The following ASIC2 variants were observed in gnomAD, a reference collection of about 807,000 sequenced individuals.
ASIC2 encodes the protein acid-sensing ion channel 2.
In ASIC2, 25 loss-of-function variants were observed where a neutral mutation model predicts 57.3. The observed-to-expected ratio is 0.44, with a 90% CI of 0.32 to 0.61. The LOEUF is 0.61. Ranked by LOEUF, ASIC2 falls within the 20% of genes least tolerant of loss-of-function variation. The pLI, the probability that ASIC2 is intolerant of heterozygous loss-of-function variation, is 0.06. For synonymous variants in ASIC2, 319 were observed against 307.5 expected (o/e 1.04, Z -0.39); for missense variants, 641 against 738.1 (o/e 0.87, Z 1.52).
intron 1 of ASIC2, among the ~76,000 whole-genome samples, chr17:33,899,381 T>C (rs974254164): frequency 3.9e-5 from 6 of 152,154 alleles, no homozygotes; most frequent in African/African-American, 1.4e-4. Context: ...TTCCAATCTG[T>C]GGCCACTTCT....
chr17:33,583,733 C>T (rs376016853), intron 1 of ASIC2, among the ~76,000 whole-genome samples: 89 of 152,268 alleles, frequency 5.8e-4, no homozygotes, highest in African/African-American at 1.9e-3. Flanking sequence ...CCCATAGCAC[C>T]GAACATACCA....
chr17:33,147,125 TGACAA>T (rs1272874630), intron 1 of ASIC2, among the ~76,000 whole-genome samples: 1 of 152,180 alleles, frequency 6.6e-6, no homozygotes, highest in Non-Finnish European at 1.5e-5. Context: ...CTGGACAATA[TGACAA>T]GAATAGGGTA....
chr17:33,045,916 G>A (rs1385796560), intron 3 of ASIC2, among the ~76,000 whole-genome samples: 2 of 152,166 alleles, frequency 1.3e-5, no homozygotes, highest in Non-Finnish European at 2.9e-5. Flanking sequence ...CTTTCTCTAT[G>A]TGAATTGGAC....
In ASIC2 at chr17:33,291,951, G is replaced by A; in HGVS notation, c.165C>T (p.Arg55=). Residue 55 remains arginine (R), a synonymous_variant, in exon 1 of 10, where the codon CGC becomes CGT. Transcript: ENST00000225823. Reference sequence around the variant, plus strand: ...CGCGGCTCAGCGATGGCCGCCCCCTGCGGGCGACCCCTGGCCCCTGCAGCG... The same window carrying A: ...CGCGGCTCAGCGATGGCCGCCCCCTACGGGCGACCCCTGGCCCCTGCAGCG... ...ERALQGPGVA[R]RGRPSLSRAK... 6.6e-7 allele frequency: 1 copy of A among 1,506,340 alleles called. No homozygotes were observed. The highest frequency in any genetic ancestry group is 8.8e-7 in the Non-Finnish European group (1 of 1,135,818). 93.3% of individuals were successfully genotyped at this position (1,506,340 alleles called of 1,614,324 possible).
chr17:33,259,591 A>G (rs934522556), intron 1 of ASIC2, among the ~76,000 whole-genome samples: 4 of 152,078 alleles, frequency 2.6e-5, no homozygotes, highest in African/African-American at 9.7e-5. Context: ...GAGGAAAACA[A>G]AGATACCAAA....
chr17:33,043,071 C>T (rs1021020673), intron 3 of ASIC2, among the ~76,000 whole-genome samples: 9 of 152,078 alleles, frequency 5.9e-5, no homozygotes, highest in African/African-American at 1.7e-4. Context: ...GGACTACAGG[C>T]GCCTGCCACC....
intron 1 of ASIC2, among the ~76,000 whole-genome samples, chr17:33,504,875 A>G (rs1386800447): frequency 6.6e-6 from 1 of 152,106 alleles, no homozygotes; most frequent in Non-Finnish European, 1.5e-5. Context: ...TAGCTGTCAG[A>G]GTTTAAATCT....
intron 1 of ASIC2, among the ~76,000 whole-genome samples, chr17:33,919,542 A>C (rs970306930): frequency 6.6e-6 from 1 of 152,238 alleles, no homozygotes; most frequent in African/African-American, 2.4e-5. Flanking sequence ...ATGTAAATGT[A>C]AGACCTCAAG....
intron 1 of ASIC2, 144 bp downstream of exon 1, chr17:33,291,264 C>A (rs1294133807): frequency 4.9e-6 from 7 of 1,415,644 alleles, no homozygotes; most frequent in African/African-American, 1.5e-5. Flanking sequence ...CTCAGGGGAC[C>A]CAAGAATGGG....
At chr17:34,154,367 A>T (rs556500272) in intron 1 of ASIC2, among the ~76,000 whole-genome samples, 2 of 152,302 alleles carry the variant, frequency 1.3e-5, no homozygotes, top group African/African-American at 4.8e-5. Context: ...AGCTTCCAAT[A>T]TTACTGGTCC....
At chr17:33,717,562 C>T (rs1236375526) in intron 1 of ASIC2, among the ~76,000 whole-genome samples, 1 of 152,192 alleles carries the variant, frequency 6.6e-6, no homozygotes, top group African/African-American at 2.4e-5. Context: ...CCGGTCCAGG[C>T]TGGAGCTGGG....
intron 1 of ASIC2, among the ~76,000 whole-genome samples, chr17:34,059,788 C>T (rs1479436176): frequency 3.9e-5 from 6 of 152,194 alleles, no homozygotes; most frequent in Admixed American, 3.9e-4. Context: ...CGGTACACAA[C>T]TCCAGTGACC....
At chr17:33,187,093 T>C (rs2142064332) in intron 1 of ASIC2, among the ~76,000 whole-genome samples, 1 of 152,302 alleles carries the variant, frequency 6.6e-6, no homozygotes, top group South Asian at 2.1e-4. Context: ...CCACTACAGC[T>C]TTCTGAATCC....
intron 1 of ASIC2, among the ~76,000 whole-genome samples, chr17:34,090,505 A>G (rs1910294325): frequency 6.6e-6 from 1 of 152,034 alleles, no homozygotes; most frequent in South Asian, 2.1e-4. Flanking sequence ...AGTTTGAGGA[A>G]CTCAAAAGTG....
intron 1 of ASIC2, among the ~76,000 whole-genome samples, chr17:34,035,223 C>T (rs1454790058): frequency 6.9e-6 from 1 of 144,778 alleles, no homozygotes; most frequent in African/African-American, 2.8e-5. Flanking sequence ...ACAACTATCT[C>T]ATCTTTGACA....
At chr17:33,814,325 A>T (rs962623376) in intron 1 of ASIC2, among the ~76,000 whole-genome samples, 5 of 152,166 alleles carry the variant, frequency 3.3e-5, no homozygotes, top group African/African-American at 1.2e-4. Context: ...ATCGGATGCA[A>T]AAAAAGTATC....
intron 1 of ASIC2, among the ~76,000 whole-genome samples, chr17:33,753,555 C>A (rs552887288): frequency 6.6e-6 from 1 of 152,256 alleles, no homozygotes; most frequent in South Asian, 2.1e-4. Flanking sequence ...ATGGGGCAAC[C>A]CCTAGAATCA....
chr17:33,155,652 CG>C (rs1407134443), intron 1 of ASIC2, among the ~76,000 whole-genome samples: 1 of 151,188 alleles, frequency 6.6e-6, no homozygotes, highest in African/African-American at 2.4e-5. Context: ...CTCAGCCTCC[CG>C]GGTTCAAGCA....
intron 1 of ASIC2, among the ~76,000 whole-genome samples, chr17:33,949,501 A>G (rs1303813858): frequency 6.6e-6 from 1 of 152,238 alleles, no homozygotes; most frequent in Non-Finnish European, 1.5e-5. Flanking sequence ...AGAAAAATTA[A>G]AGGTACCGCA....
Sources: allele counts gnomAD v4.1 joint callset (sites outside exome capture counted in the v4.1 genomes callset), GRCh38; gene constraint gnomAD v4.1.1; transcripts MANE v1.5; gene names NCBI Gene and HGNC (gene_info 2026-07-23, HGNC 2026-07-21).